The following CPNE6 variants were observed in gnomAD, a reference collection of about 807,000 sequenced individuals.
The protein encoded by CPNE6 is copine-6.
CPNE6 carries 33 observed loss-of-function variants against 71.5 expected under a neutral mutation model. The ratio of observed to expected loss-of-function variants is 0.46; its 90% confidence interval spans 0.35 to 0.62. The LOEUF is 0.62. Ranked by LOEUF, CPNE6 falls within the 20% of genes least tolerant of loss-of-function variation. The pLI is 0.00. For missense variants in CPNE6, 576 were observed against 747.3 expected, an observed-to-expected ratio of 0.77 and a Z score of 2.67; for synonymous variants, 296 against 293.0, an observed-to-expected ratio of 1.01 and a Z score of -0.10.
chr14:24,075,787 C>T lies in CPNE6; in HGVS notation c.865-40C>T, dbSNP rs138563959. 9.6e-3 allele frequency: 15,268 copies of T among 1,593,274 alleles called. 1,869 individuals carry two copies. In the Admixed American group the frequency reaches 0.22, roughly 23 times the overall value. ...CTACCCAAGCTCCCTCCTCAAAGGA[C>T]CACCCCATCCCCTCGCCTTACCCCT... On this transcript the variant is annotated intron_variant, in intron 10 of 17. Coordinates refer to ENST00000397016, the Ensembl canonical transcript of CPNE6. The surrounding 1 kb of genome is among the most constrained non-coding windows in gnomAD (Gnocchi z 4.3).
Position 24,075,517 on chromosome 14 carries a change from T to A in CPNE6, c.790T>A (p.Cys264Ser). 1 of 1,611,934 alleles carries A rather than the reference T, an allele frequency of 6.2e-7. No homozygotes were observed. The highest frequency in any genetic ancestry group is 8.5e-7 in the Non-Finnish European group (1 of 1,179,078). The change falls in exon 10 of 18, where the codon TGT becomes AGT. Residue 264 changes from cysteine (C) to serine (S), a missense_variant. By Grantham distance (112) the Cys-to-Ser change is moderately radical. Around this residue, in one of 4 missense-constraint regions of CPNE6, gnomAD observed 214 missense variants for 291.2 expected, o/e 0.73. Coordinates refer to ENST00000397016, the Ensembl canonical transcript of CPNE6. The surrounding 1 kb of genome is among the most constrained non-coding windows in gnomAD (Gnocchi z 4.3). The stretch of plus-strand genomic sequence containing the variant: ...GGGTGGGGTCTAGATGCAGTGGGAC[T>A]GTATCAACCCCAAGTATCGGGACAA...
At chr14:24,072,964 C>A (rs1347268354) in exon 3 of CPNE6, 2 of 1,584,166 alleles carry the variant, frequency 1.3e-6, no homozygotes, top group Non-Finnish European at 1.7e-6. Flanking sequence ...GGGATGGGTG[C>A]CTGAGCCCCC....
chr14:24,075,449 A>G lies in CPNE6; in HGVS notation c.778-56A>G. On this transcript the variant is annotated intron_variant, in intron 9 of 17. Coordinates refer to ENST00000397016, the Ensembl canonical transcript of CPNE6. The surrounding 1 kb of genome is among the most constrained non-coding windows in gnomAD (Gnocchi z 4.3). ...GCTCTGGGAGGCTCTGCTGGAAGGG[A>G]GAAAGAGGGGTCACCTGATGGACTT... The G allele has an allele frequency of 6.5e-7, 1 of 1,544,102 alleles. No individual in the cohort carries two copies. Among genetic ancestry groups the G allele is most frequent in the South Asian group, 1.1e-5 (1 of 87,832 alleles).
chr14:24,073,797 C>A lies in CPNE6; in HGVS notation c.348+119C>A, dbSNP rs2035976416. On this transcript the variant is annotated intron_variant, in intron 4 of 17. Transcript: ENST00000397016. The surrounding 1 kb of genome is among the most constrained non-coding windows in gnomAD (Gnocchi z 5.5). ...AGTTCAACCCAGCCTTGGCTCCCATCTCTGCCATTCACTAGCTGTGCAGCC... is the reference window on the plus strand; with the variant it reads ...AGTTCAACCCAGCCTTGGCTCCCATATCTGCCATTCACTAGCTGTGCAGCC... 1 of 1,085,016 alleles carries A rather than the reference C, an allele frequency of 9.2e-7. No individual in the cohort carries two copies. Among genetic ancestry groups the A allele is most frequent in the Non-Finnish European group, 1.3e-6 (1 of 755,638 alleles). The allele number at this position is 1,085,016 out of a possible 1,614,324, so 67.2% of individuals were successfully genotyped here.
Position 24,077,676 on chromosome 14 carries a change from C to T in CPNE6, c.1620C>T (p.Ser540=). Reference sequence around the variant, plus strand: ...AGTACTACGCCAGCCAGGGCATCAGCCCTGGGGCTCCCAGGCCCTGCACAC... The same window carrying T: ...AGTACTACGCCAGCCAGGGCATCAGTCCTGGGGCTCCCAGGCCCTGCACAC... The change falls in exon 17 of 18, where the codon AGC becomes AGT. Residue 540 remains serine (S), a synonymous_variant. Coordinates refer to ENST00000397016, the Ensembl canonical transcript of CPNE6. This position sits in a 1 kb window ranked among gnomAD's most constrained non-coding sequence, Gnocchi z 6.1. 6.3e-7 allele frequency: 1 copy of T among 1,586,858 alleles called. No individual in the cohort carries two copies. The highest frequency in any genetic ancestry group is 8.6e-7 in the Non-Finnish European group (1 of 1,166,650).
rs943290072 is a variant in CPNE6 at position 24,077,024 on chromosome 14, T to A, written c.1299+12T>A. 1 of 1,608,328 alleles carries A rather than the reference T, an allele frequency of 6.2e-7. No individual in the cohort carries two copies. Among genetic ancestry groups the A allele is most frequent in the East Asian group, 2.2e-5 (1 of 44,856 alleles). ...CCGGCCAAGCCACGGTAGGAAGACA[T>A]GGCGGGCAAACAGGAGCTGTCCCAT... On this transcript the variant is annotated intron_variant, in intron 15 of 17. Coordinates refer to ENST00000397016, the Ensembl canonical transcript of CPNE6. This position sits in a 1 kb window ranked among gnomAD's most constrained non-coding sequence, Gnocchi z 6.1.
In CPNE6 at chr14:24,076,861, A is replaced by G. The variant is rs570368959; in HGVS notation, c.1166-18A>G. On this transcript the variant is annotated intron_variant, in intron 14 of 17. Coordinates refer to ENST00000397016, the Ensembl canonical transcript of CPNE6. Reference sequence around the variant, plus strand: ...CCTGCTCATTTCTGCCAGCTTCACAACTTCTCTTCACTCACAGAGATCTCA... The same window carrying G: ...CCTGCTCATTTCTGCCAGCTTCACAGCTTCTCTTCACTCACAGAGATCTCA... The G allele has an allele frequency of 3.1e-6, 5 of 1,611,566 alleles. No homozygotes were observed. The highest frequency in any genetic ancestry group is 1.6e-4 in the Middle Eastern group (1 of 6,062).
At chr14:24,076,244 C>G (rs1367300300) in exon 12 of CPNE6, 1 of 1,614,228 alleles carries the variant, frequency 6.2e-7, no homozygotes, top group African/African-American at 1.3e-5. Flanking sequence ...ACCTGCAGGC[C>G]CTGCGTGCAG....
At chr14:24,076,980 G>A in exon 15 of CPNE6, 1 of 1,612,010 alleles carries the variant, frequency 6.2e-7, no homozygotes. Context: ...GGCTGAGCCG[G>A]CCCAGCGGGA....
rs373494945 is a variant in CPNE6 at position 24,074,170 on chromosome 14, G to A, written c.423+45G>A. 4.4e-6 allele frequency: 7 copies of A among 1,596,970 alleles called. No homozygotes were observed. Among genetic ancestry groups the A allele is most frequent in the Non-Finnish European group, 6.0e-6 (7 of 1,164,462 alleles). On this transcript the variant is annotated intron_variant, in intron 5 of 17. Coordinates refer to ENST00000397016, the Ensembl canonical transcript of CPNE6. This position sits in a 1 kb window ranked among gnomAD's most constrained non-coding sequence, Gnocchi z 4.5. The stretch of plus-strand genomic sequence containing the variant: ...CTCACCCTTGGTCCAGGTATTCAAT[G>A]CCCCTGCATGGACACCTATGGTGAC...
chr14:24,075,301 A>G lies in CPNE6; in HGVS notation c.777+25A>G, dbSNP rs576889549. 5.1e-6 allele frequency: 8 copies of G among 1,577,218 alleles called. No homozygotes were observed. The South Asian group carries it at 8.9e-5, about 17-fold the overall frequency. On this transcript the variant is annotated intron_variant, in intron 9 of 17. Coordinates refer to ENST00000397016, the Ensembl canonical transcript of CPNE6. The surrounding 1 kb of genome is among the most constrained non-coding windows in gnomAD (Gnocchi z 4.3). ...GGTGCCACAAATACCCCACCCCCAG[A>G]ATCCCACCCAGATCCCTGGGAGAAT...
chr14:24,074,261 G>A lies in CPNE6; in HGVS notation c.424-30G>A, dbSNP rs1044081584. 5 of 1,600,114 alleles carry A rather than the reference G, an allele frequency of 3.1e-6. No homozygotes were observed. The highest frequency in any genetic ancestry group is 4.3e-6 in the Non-Finnish European group (5 of 1,170,116). ...GGGTGGCCCTTGTGGTAAGGTTAGG[G>A]GAGTCCTGCCACTTGTATCCCCCTT... On this transcript the variant is annotated intron_variant, in intron 5 of 17. Transcript: ENST00000397016. The surrounding 1 kb of genome is among the most constrained non-coding windows in gnomAD (Gnocchi z 4.5).
Position 24,075,356 on chromosome 14 carries a change from A to G in CPNE6, c.777+80A>G, listed in dbSNP as rs2036026370. 1 of 1,421,670 alleles carries G rather than the reference A, an allele frequency of 7.0e-7. No homozygotes were observed. The highest frequency in any genetic ancestry group is 9.9e-7 in the Non-Finnish European group (1 of 1,005,358). The allele number at this position is 1,421,670 out of a possible 1,614,324, so 88.1% of individuals were successfully genotyped here. On this transcript the variant is annotated intron_variant, in intron 9 of 17. Transcript: ENST00000397016. The surrounding 1 kb of genome is among the most constrained non-coding windows in gnomAD (Gnocchi z 4.3). ...AGGGTGATGCTGAAGAGACCACCAT[A>G]GGTGATAGGAAGTGGAGAGGGTGGA...
chr14:24,071,509 C>A (rs1301848378), intron 1 of CPNE6, 53 bp from the exon 1 acceptor site: 3 of 1,491,520 alleles, frequency 2.0e-6, no homozygotes, highest in African/African-American at 1.4e-5. Context: ...GCGCCCCCCC[C>A]CACCCCTCCC....
At chr14:24,076,631 C>T (rs746004375) in intron 14 of CPNE6, 74 bp downstream of exon 13, 2 of 1,584,308 alleles carry the variant, frequency 1.3e-6, no homozygotes, top group South Asian at 2.2e-5. Flanking sequence ...CTCCACTCCC[C>T]AGGGCCCAGC....
Position 24,075,057 on chromosome 14 carries a change from G to A in CPNE6, c.673-115G>A. The A allele has an allele frequency of 3.6e-6, 3 of 826,318 alleles. No individual in the cohort carries two copies. Among genetic ancestry groups the A allele is most frequent in the Middle Eastern group, 2.3e-4 (1 of 4,418 alleles). The allele number at this position is 826,318 out of a possible 1,614,324, so 51.2% of individuals were successfully genotyped here. A position where few individuals can be genotyped will look rare whatever the true frequency, so the allele number is the denominator to read the frequency against. On this transcript the variant is annotated intron_variant, in intron 8 of 17. Transcript: ENST00000397016. This position sits in a 1 kb window ranked among gnomAD's most constrained non-coding sequence, Gnocchi z 4.3. ...GGGCAGGCTGAGGATGTCTGTTTGG[G>A]CATGGAGACTCTAAGGCCCAAGTCC...
At position 24,075,992 on chromosome 14, in the gene CPNE6, C is replaced by A; in HGVS notation, c.924+106C>A. ...TGCCCCAACTTGGGCTGCTCATGAG[C>A]CTTCGCATTGTCAGCTTATGCACCC... On this transcript the variant is annotated intron_variant, in intron 11 of 17. Coordinates refer to ENST00000397016, the Ensembl canonical transcript of CPNE6. The surrounding 1 kb of genome is among the most constrained non-coding windows in gnomAD (Gnocchi z 4.3). The A allele has an allele frequency of 6.6e-7, 1 of 1,516,500 alleles. No homozygotes were observed. Among genetic ancestry groups the A allele is most frequent in the Non-Finnish European group, 9.1e-7 (1 of 1,097,894 alleles). The allele number at this position is 1,516,500 out of a possible 1,614,324, so 93.9% of individuals were successfully genotyped here.
At position 24,076,431 on chromosome 14, in the gene CPNE6, G is replaced by T; in HGVS notation, c.1113+17G>T. The stretch of plus-strand genomic sequence containing the variant: ...AACTTCGAGGTAGGCTAGATGCGAG[G>T]GAAAGAAGGAGATGGGGGGCGTGTC... On this transcript the variant is annotated intron_variant, in intron 13 of 17. Transcript: ENST00000397016. 1 of 1,614,230 alleles carries T rather than the reference G, an allele frequency of 6.2e-7. No individual in the cohort carries two copies. Among genetic ancestry groups the T allele is most frequent in the Non-Finnish European group, 8.5e-7 (1 of 1,180,036 alleles).
Position 24,077,818 on chromosome 14 carries a change from C to T in CPNE6, c.*37+51C>T. ...TGGACACAGGGGGTGCAAAGTGGGG[C>T]TTGGTAGAGCCCAACTAGGCTGGGT... On this transcript the variant is annotated intron_variant, in intron 17 of 17. Transcript: ENST00000397016. The surrounding 1 kb of genome is among the most constrained non-coding windows in gnomAD (Gnocchi z 6.1). 1 of 1,371,540 alleles carries T rather than the reference C, an allele frequency of 7.3e-7. No individual in the cohort carries two copies. Among genetic ancestry groups the T allele is most frequent in the Non-Finnish European group, 9.6e-7 (1 of 1,043,290 alleles). 85.0% of individuals were successfully genotyped at this position (1,371,540 alleles called of 1,614,324 possible). A position where few individuals can be genotyped will look rare whatever the true frequency, so the allele number is the denominator to read the frequency against.
Sources: allele counts gnomAD v4.1 joint callset, GRCh38; gene constraint gnomAD v4.1.1; regional missense constraint gnomAD v4.1.1; non-coding constraint Gnocchi (gnomAD v3.1); transcripts MANE v1.5; gene names NCBI Gene and HGNC (gene_info 2026-07-23, HGNC 2026-07-21).